The following LOC128092253 variants were observed in gnomAD, a reference collection of about 807,000 sequenced individuals.
chr6:133,971,509 A>G, the LOC128092253 span, among the ~76,000 whole-genome samples: 1 of 152,094 alleles, frequency 6.6e-6, no homozygotes, highest in African/African-American at 2.4e-5. Flanking sequence ...TATAATGGCT[A>G]TGTGAGTTTA....
At chr6:133,975,760 A>G in the LOC128092253 span, among the ~76,000 whole-genome samples, 4 of 152,246 alleles carry the variant, frequency 2.6e-5, no homozygotes, top group Admixed American at 6.5e-5. Flanking sequence ...TAAGACTGCA[A>G]TTGAAAGTAG....
the LOC128092253 span, among the ~76,000 whole-genome samples, chr6:133,970,590 A>C: frequency 2.0e-5 from 3 of 151,552 alleles, no homozygotes; most frequent in Non-Finnish European, 2.9e-5. Flanking sequence ...TCTGTCACCA[A>C]GGTTTGTTTT....
chr6:133,954,890 C>G, the LOC128092253 span, among the ~76,000 whole-genome samples: 3 of 152,056 alleles, frequency 2.0e-5, no homozygotes, highest in Admixed American at 2.0e-4. Flanking sequence ...TGAGGGCTAG[C>G]CAGAATATAG....
At chr6:133,976,019 C>T in the LOC128092253 span, among the ~76,000 whole-genome samples, 1 of 152,002 alleles carries the variant, frequency 6.6e-6, no homozygotes, top group East Asian at 1.9e-4. Context: ...AACACATTCC[C>T]CTTGGAATCT....
the LOC128092253 span, among the ~76,000 whole-genome samples, chr6:133,973,411 T>C: frequency 1.3e-4 from 20 of 152,252 alleles, no homozygotes; most frequent in Non-Finnish European, 2.6e-4. Context: ...TTCTGTATTC[T>C]CAGGTTTATT....
At chr6:133,955,211 A>G in the LOC128092253 span, among the ~76,000 whole-genome samples, 1 of 149,582 alleles carries the variant, frequency 6.7e-6, no homozygotes. Flanking sequence ...CAGGGCTGCC[A>G]TCAGACTCAC....
At chr6:133,978,898 A>C in the LOC128092253 span, among the ~76,000 whole-genome samples, 1 of 152,224 alleles carries the variant, frequency 6.6e-6, no homozygotes, top group South Asian at 2.1e-4. Flanking sequence ...GGAATTTTAA[A>C]AACAACTATA....
At chr6:133,979,499 A>G in the LOC128092253 span, among the ~76,000 whole-genome samples, 2 of 152,316 alleles carry the variant, frequency 1.3e-5, no homozygotes, top group South Asian at 4.1e-4. Context: ...GTAGAGGTGA[A>G]TAGCAGGAGA....
the LOC128092253 span, among the ~76,000 whole-genome samples, chr6:133,965,157 G>A: frequency 6.6e-6 from 1 of 152,090 alleles, no homozygotes; most frequent in Non-Finnish European, 1.5e-5. Flanking sequence ...AAATTATGCT[G>A]TTTTGTTAGC....
At chr6:133,959,790 G>A in the LOC128092253 span, among the ~76,000 whole-genome samples, 1 of 152,164 alleles carries the variant, frequency 6.6e-6, no homozygotes, top group African/African-American at 2.4e-5. Context: ...GCCACCTAGT[G>A]TTCTTTCTAT....
the LOC128092253 span, among the ~76,000 whole-genome samples, chr6:133,979,563 AAGTT>A: frequency 6.6e-6 from 1 of 152,156 alleles, no homozygotes; most frequent in African/African-American, 2.4e-5. Context: ...TAAGGAATGA[AAGTT>A]AGGCCTAGAT....
chr6:133,979,175 C>T, the LOC128092253 span, among the ~76,000 whole-genome samples: 2 of 152,162 alleles, frequency 1.3e-5, no homozygotes, highest in African/African-American at 4.8e-5. Context: ...TCCTTGAGGA[C>T]AAAAGACTTT....
the LOC128092253 span, among the ~76,000 whole-genome samples, chr6:133,964,443 T>G: frequency 3.3e-5 from 5 of 151,396 alleles, no homozygotes; most frequent in South Asian, 6.3e-4. Context: ...TTTGTTTTTT[T>G]GGGTTTTTTG....
the LOC128092253 span, among the ~76,000 whole-genome samples, chr6:133,977,632 G>A: frequency 6.6e-6 from 1 of 152,214 alleles, no homozygotes. Flanking sequence ...CCTTGTGGTA[G>A]CTTATCCTCA....
At chr6:133,964,457 T>TG in the LOC128092253 span, among the ~76,000 whole-genome samples, 58 of 146,684 alleles carry the variant, frequency 4.0e-4, 1 homozygote, top group South Asian at 3.9e-3. Flanking sequence ...TTTTTTGGGT[T>TG]TTTTTTTTTT....
At chr6:133,957,169 TA>T in the LOC128092253 span, among the ~76,000 whole-genome samples, 75 of 151,838 alleles carry the variant, frequency 4.9e-4, no homozygotes, top group African/African-American at 9.4e-4. Context: ...TAAATGTTTT[TA>T]AAAAAAAACT....
At chr6:133,978,300 T>C in the LOC128092253 span, among the ~76,000 whole-genome samples, 2 of 152,230 alleles carry the variant, frequency 1.3e-5, no homozygotes, top group Non-Finnish European at 2.9e-5. Context: ...ATCCTAGATA[T>C]ATATGCTAAG....
the LOC128092253 span, among the ~76,000 whole-genome samples, chr6:133,977,000 G>A: frequency 6.6e-6 from 1 of 151,572 alleles, no homozygotes; most frequent in African/African-American, 2.4e-5. Context: ...AAGAAATTGA[G>A]ATTTGTCTGT....
the LOC128092253 span, among the ~76,000 whole-genome samples, chr6:133,963,854 C>T: frequency 1.1e-4 from 16 of 149,646 alleles, no homozygotes; most frequent in African/African-American, 2.0e-4. Context: ...CGTGGTGAAA[C>T]GCCGTCTCTA....
Sources: gnomAD v4.1 joint callset for allele counts (sites outside exome capture counted in the v4.1 genomes callset) on GRCh38, gnomAD v4.1.1 for gene constraint, MANE v1.5 for transcripts.